The following AP1B1 variants were observed in gnomAD, a reference collection of about 807,000 sequenced individuals.
AP1B1 encodes the protein AP-1 complex subunit beta-1.
In AP1B1, 36 loss-of-function variants were observed where a neutral mutation model predicts 104.3. That is an observed-to-expected ratio of 0.35 (90% CI 0.26 to 0.46). The LOEUF (loss-of-function observed/expected upper bound fraction) is 0.46. Among genes scored for constraint, AP1B1 ranks in the 20% least tolerant of loss-of-function variants. AP1B1 has a pLI of 1.00. For synonymous variants in AP1B1, 504 were observed against 517.5 expected, an observed-to-expected ratio of 0.97 and a Z score of 0.35; for missense variants, 901 against 1,247.9, an observed-to-expected ratio of 0.72 and a Z score of 4.19.
chr22:29,377,195 CAAAAAA>C (rs34466410), intron 1 of AP1B1, among the ~76,000 whole-genome samples: 6 of 64,678 alleles, frequency 9.3e-5, no homozygotes, highest in Non-Finnish European at 1.3e-4. Flanking sequence ...GACCCTGTCT[CAAAAAA>C]AAAAAAAAAA....
intron 1 of AP1B1, among the ~76,000 whole-genome samples, chr22:29,368,040 G>A (rs1363764643): frequency 5.3e-5 from 8 of 152,188 alleles, no homozygotes; most frequent in Non-Finnish European, 1.0e-4. Context: ...GCTCATGCCT[G>A]TAATCCCAGC....
In AP1B1 at chr22:29,330,307, A is replaced by AC. The variant is rs1358227352; in HGVS notation, c.2766+70dup. On this transcript the variant is annotated intron_variant, in intron 21 of 22. Coordinates refer to ENST00000357586, the MANE Select transcript of AP1B1 (RefSeq NM_001127.4). The stretch of plus-strand genomic sequence containing the variant: ...AAGGGACGCTTGGACCGCGTCCTCC[A>AC]CCAGGGCCACCCCCTGGCATGGGAC... 2.5e-6 allele frequency: 4 copies of AC among 1,598,432 alleles called. No homozygotes were observed. In the Admixed American group the frequency reaches 6.7e-5, roughly 27 times the overall value.
chr22:29,340,523 T>C, intron 14 of AP1B1, 133 bp downstream of exon 14: 15 of 1,006,920 alleles, frequency 1.5e-5, no homozygotes, highest in Non-Finnish European at 2.1e-5. Flanking sequence ...CACAATCACC[T>C]CCAAGGGTAA....
chr22:29,358,103 G>A (rs1438736852), intron 5 of AP1B1, among the ~76,000 whole-genome samples: 1 of 152,230 alleles, frequency 6.6e-6, no homozygotes, highest in Non-Finnish European at 1.5e-5. Flanking sequence ...CAGTTGCTCA[G>A]TGTTTCTGCT....
At chr22:29,377,235 A>G (rs1455704563) in intron 1 of AP1B1, among the ~76,000 whole-genome samples, 1 of 148,772 alleles carries the variant, frequency 6.7e-6, no homozygotes, top group East Asian at 2.0e-4. Context: ...AAAGGTCCTT[A>G]TAGGTAAATA....
intron 11 of AP1B1, among the ~76,000 whole-genome samples, chr22:29,344,884 A>T (rs1331812227): frequency 1.3e-5 from 2 of 152,078 alleles, no homozygotes; most frequent in Non-Finnish European, 2.9e-5. Context: ...AGATTCAACA[A>T]GACAATATAA....
intron 11 of AP1B1, among the ~76,000 whole-genome samples, chr22:29,344,516 T>TA (rs2061761226): frequency 9.4e-6 from 1 of 106,460 alleles, no homozygotes; most frequent in African/African-American, 5.1e-5. Flanking sequence ...TGGCCAAGAT[T>TA]TTTTTTTTTT....
intron 1 of AP1B1, among the ~76,000 whole-genome samples, chr22:29,369,737 C>T (rs886413813): frequency 5.3e-5 from 8 of 152,172 alleles, no homozygotes; most frequent in African/African-American, 1.7e-4. Flanking sequence ...TGAAAAGGGG[C>T]CACTGAAAAT....
At chr22:29,367,461 C>CTT (rs746169314) in intron 1 of AP1B1, among the ~76,000 whole-genome samples, 191 bp from the exon 2 acceptor site, 2 of 142,064 alleles carry the variant, frequency 1.4e-5, no homozygotes. Flanking sequence ...AATCTATCAA[C>CTT]CTTTTTTTTT....
chr22:29,363,554 A>C (rs1310016984), intron 2 of AP1B1, among the ~76,000 whole-genome samples: 1 of 151,524 alleles, frequency 6.6e-6, no homozygotes, highest in East Asian at 1.9e-4. Flanking sequence ...AGGCTGAGGC[A>C]GGGGAATTGC....
Position 29,341,496 on chromosome 22 carries a change from C to T in AP1B1, c.1796+5G>A. 1 of 1,609,822 alleles carries T rather than the reference C, an allele frequency of 6.2e-7. No homozygotes were observed. Among genetic ancestry groups the T allele is most frequent in the Non-Finnish European group, 8.5e-7 (1 of 1,176,798 alleles). ...GGCGCAGGCCGACTGGCCAGTCTCA[C>T]TCACGAGGCCGTGCGAGGTGGCAGG... On this transcript the variant is annotated splice_donor_5th_base_variant and intron_variant, in intron 13 of 22. Transcript: ENST00000357586.
chr22:29,348,192 T>A (rs906478322), intron 11 of AP1B1, among the ~76,000 whole-genome samples: 2 of 152,262 alleles, frequency 1.3e-5, no homozygotes, highest in Admixed American at 1.3e-4. Flanking sequence ...TCAAGACTCA[T>A]GGTGCCTTTG....
At chr22:29,341,822 T>C in intron 12 of AP1B1, 62 bp from the exon 13 acceptor site, 1 of 1,541,528 alleles carries the variant, frequency 6.5e-7, no homozygotes, top group Non-Finnish European at 8.8e-7. Flanking sequence ...GGAGGAGACC[T>C]TCCTGCAGCC....
chr22:29,334,562 G>T, intron 16 of AP1B1, 152 bp from the exon 17 acceptor site: 2 of 870,862 alleles, frequency 2.3e-6, no homozygotes, highest in Non-Finnish European at 3.4e-6. Flanking sequence ...ATGAACAGGT[G>T]TGTACTGGGA....
intron 11 of AP1B1, among the ~76,000 whole-genome samples, chr22:29,343,483 T>A (rs541233115): frequency 5.3e-5 from 8 of 152,230 alleles, no homozygotes; most frequent in Admixed American, 4.6e-4. Context: ...CAGCAGCAGA[T>A]GAGCAGTAGG....
chr22:29,330,755 C>T, intron 19 of AP1B1, 46 bp from the exon 20 acceptor site: 1 of 1,521,248 alleles, frequency 6.6e-7, no homozygotes, highest in Non-Finnish European at 9.0e-7. Flanking sequence ...CCCTCATAAA[C>T]CTGTGGGCCC....
chr22:29,329,590 G>GC, intron 22 of AP1B1, 122 bp downstream of exon 22: 7 of 1,544,042 alleles, frequency 4.5e-6, no homozygotes, highest in Middle Eastern at 1.8e-4. Flanking sequence ...CCTGGCTGAA[G>GC]CCCCCCGGGT....
Position 29,376,249 on chromosome 22 carries a change from C to T in AP1B1, c.-27-8979G>A, listed in dbSNP as rs1053648444. On this transcript the variant is annotated intron_variant, in intron 1 of 22. Coordinates refer to ENST00000357586, the MANE Select transcript of AP1B1 (RefSeq NM_001127.4). The stretch of plus-strand genomic sequence containing the variant: ...ATGGCCAGCCAATGTCAGGGGAAGG[C>T]CTTTTCTAGTCTCCGGGCAATGATT... Among the ~76,000 whole-genome samples the T allele has an allele frequency of 2.0e-5, 3 of 152,162 alleles. No homozygotes were observed. In the East Asian group the frequency reaches 5.8e-4, roughly 29 times the overall value.
chr22:29,381,153 G>C (rs150353582), intron 1 of AP1B1, among the ~76,000 whole-genome samples: 26 of 152,174 alleles, frequency 1.7e-4, no homozygotes, highest in African/African-American at 5.8e-4. Flanking sequence ...CACCTCTTTA[G>C]GTCTTGGCTC....
Sources: allele counts gnomAD v4.1 joint callset (sites outside exome capture counted in the v4.1 genomes callset), GRCh38; gene constraint gnomAD v4.1.1; transcripts MANE v1.5; gene names NCBI Gene and HGNC (gene_info 2026-07-23, HGNC 2026-07-21).